The following HECW1 variants were observed in gnomAD, a reference collection of about 807,000 sequenced individuals.
HECW1 encodes the protein E3 ubiquitin-protein ligase HECW1.
Under a neutral mutation model 182.3 loss-of-function variants are expected in HECW1, and 61 were observed. That is an observed-to-expected ratio of 0.33 (90% CI 0.27 to 0.41). The LOEUF is 0.41. Ranked by LOEUF, HECW1 falls within the 10% of genes least tolerant of loss-of-function variation. The probability of loss-of-function intolerance (pLI) is 1.00; values close to 1 mark genes in which losing one functional copy is unlikely to be tolerated. For synonymous variants in HECW1, 859 were observed against 832.6 expected (o/e 1.03, Z -0.55); for missense variants, 1,739 against 2,108.9 (o/e 0.82, Z 3.44).
At chr7:43,250,275 A>G (rs2240269) in intron 3 of HECW1, among the ~76,000 whole-genome samples, 4,692 of 152,224 alleles carry the variant, frequency 0.031, 147 homozygotes, top group East Asian at 0.19. Flanking sequence ...TCTGAATTCG[A>G]TGACAGACCC....
intron 2 of HECW1, among the ~76,000 whole-genome samples, chr7:43,225,122 C>A (rs965044278): frequency 2.6e-5 from 4 of 152,142 alleles, no homozygotes; most frequent in African/African-American, 9.7e-5. Flanking sequence ...GCCTGGAGAT[C>A]CTGGAGATGG....
chr7:43,131,535 A>AT (rs111858854), intron 2 of HECW1, among the ~76,000 whole-genome samples: 16 of 152,278 alleles, frequency 1.1e-4, no homozygotes, highest in Admixed American at 8.5e-4. Flanking sequence ...CATTGACTGC[A>AT]TTTTTTTGGT....
At position 43,169,913 on chromosome 7, in the gene HECW1, G is replaced by C. The variant is rs76879900; in HGVS notation, c.-32+55522G>C. 2.0e-5 allele frequency among the ~76,000 whole-genome samples: 3 copies of C among 152,150 alleles called. No individual in the cohort carries two copies. In the East Asian group the frequency reaches 5.8e-4, roughly 29 times the overall value. On this transcript the variant is annotated intron_variant, in intron 2 of 29. Transcript: ENST00000395891. ...ACCTGGTGAGGCTGATTGATTTTGA[G>C]CCTCTAGGGTAGCACAGAGCCACAT...
chr7:43,438,245 C>A, intron 9 of HECW1, 100 bp downstream of exon 9: 1 of 934,758 alleles, frequency 1.1e-6, no homozygotes, highest in South Asian at 1.8e-5. Flanking sequence ...CACAGAGAGT[C>A]AAAATGGTAT....
In HECW1 at chr7:43,249,741, C is replaced by T. The variant is rs573139282; in HGVS notation, c.27+5809C>T. 5.3e-5 allele frequency among the ~76,000 whole-genome samples: 8 copies of T among 152,302 alleles called. No individual in the cohort carries two copies. In the East Asian group the frequency reaches 1.3e-3, roughly 26 times the overall value. On this transcript the variant is annotated intron_variant, in intron 3 of 29. Coordinates refer to ENST00000395891, the MANE Select transcript of HECW1 (RefSeq NM_015052.5). The stretch of plus-strand genomic sequence containing the variant: ...GTACTGTATACTGAGGGATTTTGTT[C>T]AAGCAAAGGAGTACCAGCTTTATAT...
chr7:43,220,136 T>C (rs886439), intron 2 of HECW1, among the ~76,000 whole-genome samples: 4 of 152,042 alleles, frequency 2.6e-5, no homozygotes, highest in Admixed American at 2.6e-4. Context: ...CCTTAGGTTT[T>C]CTAATTTACT....
intron 2 of HECW1, chr7:43,163,337 A>G (rs1487620074): frequency 1.3e-5 from 2 of 152,284 alleles, no homozygotes. Flanking sequence ...CACCATGTTG[A>G]TCAGTGTGCA....
chr7:43,300,924 T>G (rs1321488037), intron 3 of HECW1, among the ~76,000 whole-genome samples: 1 of 152,178 alleles, frequency 6.6e-6, no homozygotes, highest in Non-Finnish European at 1.5e-5. Context: ...GTCAGTAACT[T>G]CTGCCACGGT....
intron 7 of HECW1, among the ~76,000 whole-genome samples, chr7:43,398,192 G>T (rs1043987514): frequency 2.0e-5 from 3 of 152,140 alleles, no homozygotes; most frequent in African/African-American, 2.4e-5. Flanking sequence ...GGGAGGTGGA[G>T]GTTGCAGTGA....
Position 43,383,290 on chromosome 7 carries a change from A to G in HECW1, c.556-13524A>G, listed in dbSNP as rs954885905. 3.3e-5 allele frequency among the ~76,000 whole-genome samples: 5 copies of G among 152,236 alleles called. 1 individual carries two copies. The highest frequency in any genetic ancestry group is 7.3e-5 in the Non-Finnish European group (5 of 68,050). ...TAGCATGATTTATGATCCTTTGGGT[A>G]TATACCCAGTAATGGGATTGCTGAG... On this transcript the variant is annotated intron_variant, in intron 6 of 29. Coordinates refer to ENST00000395891, the MANE Select transcript of HECW1 (RefSeq NM_015052.5).
At chr7:43,189,154 A>C (rs1338145587) in intron 2 of HECW1, among the ~76,000 whole-genome samples, 1 of 152,242 alleles carries the variant, frequency 6.6e-6, no homozygotes, top group East Asian at 1.9e-4. Flanking sequence ...ATTTAGTTAA[A>C]TAGTACATAA....
At chr7:43,453,115 G>A (rs1447835923) in intron 12 of HECW1, among the ~76,000 whole-genome samples, 2 of 152,194 alleles carry the variant, frequency 1.3e-5, no homozygotes, top group East Asian at 3.8e-4. Flanking sequence ...CAGCAGAGAA[G>A]TGACATTGTC....
intron 8 of HECW1, among the ~76,000 whole-genome samples, chr7:43,427,734 A>C (rs1284635216): frequency 2.0e-5 from 3 of 152,126 alleles, no homozygotes; most frequent in Non-Finnish European, 2.9e-5. Context: ...TGGTGAAAAC[A>C]TTGTTTCCAA....
chr7:43,484,928 T>C (rs1351033568), intron 17 of HECW1, among the ~76,000 whole-genome samples: 2 of 152,176 alleles, frequency 1.3e-5, no homozygotes, highest in East Asian at 3.8e-4. Context: ...CTGGATCCCA[T>C]CTTAGCAAGG....
chr7:43,501,429 C>T, intron 21 of HECW1, 107 bp downstream of exon 21: 1 of 614,324 alleles, frequency 1.6e-6, no homozygotes, highest in Non-Finnish European at 2.9e-6. Context: ...TCTCGGCCTT[C>T]CCAATTCCCT....
chr7:43,437,378 C>T (rs2076746384), intron 8 of HECW1, among the ~76,000 whole-genome samples: 1 of 152,110 alleles, frequency 6.6e-6, no homozygotes, highest in Non-Finnish European at 1.5e-5. Flanking sequence ...AGTAATGCTC[C>T]AATAAACATC....
In HECW1 at chr7:43,408,385, C is replaced by T. The variant is rs1006049602; in HGVS notation, c.801+654C>T. Among the ~76,000 whole-genome samples, 3 of 152,114 alleles carry T rather than the reference C, an allele frequency of 2.0e-5. No individual in the cohort carries two copies. The South Asian group carries it at 6.2e-4, about 32-fold the overall frequency. On this transcript the variant is annotated intron_variant, in intron 8 of 29. Transcript: ENST00000395891. ...TTAGGAGGGTCCTCCAAGTTCTCTC[C>T]TAAAGGACATGTAGAAAGTCGGCAC...
chr7:43,279,502 G>C (rs17172190), intron 3 of HECW1, among the ~76,000 whole-genome samples: 1 of 151,994 alleles, frequency 6.6e-6, no homozygotes, highest in East Asian at 1.9e-4. Context: ...GACCATCCAC[G>C]CTCTTCTTTT....
intron 3 of HECW1, among the ~76,000 whole-genome samples, chr7:43,299,194 A>G (rs947270927): frequency 6.6e-6 from 1 of 152,234 alleles, no homozygotes; most frequent in African/African-American, 2.4e-5. Flanking sequence ...ACAGAGAGTC[A>G]AGGAGGTAGT....
Sources: allele counts gnomAD v4.1 joint callset (sites outside exome capture counted in the v4.1 genomes callset), GRCh38; gene constraint gnomAD v4.1.1; transcripts MANE v1.5; gene names NCBI Gene and HGNC (gene_info 2026-07-23, HGNC 2026-07-21).